The following SEC14L1 variants were observed in gnomAD, a reference collection of about 807,000 sequenced individuals.
SEC14L1 encodes the protein SEC14-like protein 1.
In SEC14L1, 48 loss-of-function variants were observed where a neutral mutation model predicts 85.3. The ratio of observed to expected loss-of-function variants is 0.56; its 90% CI spans 0.45 to 0.72. SEC14L1 has a LOEUF of 0.72. Ranked by LOEUF, SEC14L1 falls within the 30% of genes least tolerant of loss-of-function variation. The pLI is 0.00. For synonymous variants in SEC14L1, 391 were observed against 355.5 expected (o/e 1.10, Z -1.12); for missense variants, 682 against 921.4 (o/e 0.74, Z 3.36).
chr17:77,150,462 C>A (rs1973505727), intron 3 of SEC14L1, among the ~76,000 whole-genome samples: 1 of 152,224 alleles, frequency 6.6e-6, no homozygotes, highest in South Asian at 2.1e-4. Flanking sequence ...GAGTAAATGA[C>A]TATGAATGTG....
At chr17:77,117,113 C>G (rs142715623) in intron 3 of SEC14L1, among the ~76,000 whole-genome samples, 1 of 152,124 alleles carries the variant, frequency 6.6e-6, no homozygotes, top group Non-Finnish European at 1.5e-5. Context: ...TTTGGGAGGC[C>G]GAGGCGGGTG....
chr17:77,137,167 C>T (rs149358232), upstream of SEC14L1, among the ~76,000 whole-genome samples: 5 of 152,240 alleles, frequency 3.3e-5, no homozygotes, highest in East Asian at 9.7e-4. Flanking sequence ...CCTTGGCCTC[C>T]CAAAGTGCTG....
chr17:77,137,915 C>A (rs561515819), upstream of SEC14L1, among the ~76,000 whole-genome samples: 1 of 152,308 alleles, frequency 6.6e-6, no homozygotes, highest in South Asian at 2.1e-4. Context: ...GCAATAGAGT[C>A]ATTCACACAG....
At chr17:77,129,479 G>A (rs1250962066) in intron 3 of SEC14L1, among the ~76,000 whole-genome samples, 2 of 152,020 alleles carry the variant, frequency 1.3e-5, no homozygotes, top group African/African-American at 4.8e-5. Flanking sequence ...GAACCTTCCC[G>A]GGCAGGGCTG....
intron 3 of SEC14L1, among the ~76,000 whole-genome samples, chr17:77,159,176 C>T (rs1353168093): frequency 1.3e-5 from 2 of 151,208 alleles, no homozygotes; most frequent in Admixed American, 1.3e-4. Context: ...AGCAATTCTC[C>T]TGCCTCAGCC....
chr17:77,127,170 T>C (rs577920465), intron 3 of SEC14L1, among the ~76,000 whole-genome samples: 1 of 151,878 alleles, frequency 6.6e-6, no homozygotes, highest in South Asian at 2.1e-4. Flanking sequence ...CAGTGTGTGA[T>C]GGTCCCCTCT....
intron 3 of SEC14L1, among the ~76,000 whole-genome samples, chr17:77,119,883 A>T (rs981302778): frequency 6.6e-6 from 1 of 152,196 alleles, no homozygotes; most frequent in African/African-American, 2.4e-5. Flanking sequence ...GCCACAGAAA[A>T]GGCAGCAGCT....
chr17:77,129,337 T>G lies in SEC14L1; in HGVS notation c.-135-13309T>G, dbSNP rs541080467. Among the ~76,000 whole-genome samples, 23 of 152,308 alleles carry G rather than the reference T, an allele frequency of 1.5e-4. No homozygotes were observed. In the South Asian group the frequency reaches 4.8e-3, roughly 32 times the overall value. On this transcript the variant is annotated intron_variant, in intron 3 of 19. Transcript: ENST00000392476. ...GAGGAGGAAAACCCTAAAAGCTGCT[T>G]TAGGCTACTGAGGTGGCTCAATCAG...
intron 3 of SEC14L1, among the ~76,000 whole-genome samples, chr17:77,160,327 TC>T (rs1038003708): frequency 6.6e-6 from 1 of 152,252 alleles, no homozygotes; most frequent in African/African-American, 2.4e-5. Flanking sequence ...CTCTGCCAAG[TC>T]CAGGCGGATC....
chr17:77,195,744 T>C (rs1212515759), intron 7 of SEC14L1, among the ~76,000 whole-genome samples: 3 of 152,196 alleles, frequency 2.0e-5, no homozygotes. Flanking sequence ...CACCTCAGCC[T>C]CCTGAGTAGC....
chr17:77,126,956 C>CTT (rs113666986), intron 3 of SEC14L1, among the ~76,000 whole-genome samples: 54 of 149,938 alleles, frequency 3.6e-4, no homozygotes, highest in African/African-American at 8.8e-4. Flanking sequence ...ACAGGGATTT[C>CTT]TTTTTTTTCT....
At chr17:77,103,433 TG>T (rs1380205844) in intron 3 of SEC14L1, among the ~76,000 whole-genome samples, 1 of 150,546 alleles carries the variant, frequency 6.6e-6, no homozygotes, top group African/African-American at 2.5e-5. Context: ...TTTTTGTTGT[TG>T]TTTTTTTTTT....
chr17:77,190,490 G>T (rs1012600833), intron 3 of SEC14L1, among the ~76,000 whole-genome samples: 5 of 151,968 alleles, frequency 3.3e-5, no homozygotes, highest in African/African-American at 1.2e-4. Context: ...CGTTTTAGTT[G>T]TTCTAGTTCC....
intron 3 of SEC14L1, among the ~76,000 whole-genome samples, chr17:77,185,039 C>T (rs1315368042): frequency 6.6e-6 from 1 of 152,202 alleles, no homozygotes; most frequent in African/African-American, 2.4e-5. Flanking sequence ...CTTAACATAT[C>T]TCTGAAAGAC....
rs529470347 is a variant in SEC14L1 at position 77,154,241 on chromosome 17, C to T, written c.63+10582C>T. ...ATCCCAGTGCTTTGGGAGGCCAAGG[C>T]GGGAGAATCACTTGAGGCCAGTAGT... On this transcript the variant is annotated intron_variant, in intron 3 of 16. Transcript: ENST00000436233. Among the ~76,000 whole-genome samples, 35 of 152,068 alleles carry T rather than the reference C, an allele frequency of 2.3e-4. 1 individual carries two copies. The highest frequency in any genetic ancestry group is 1.9e-3 in the East Asian group (10 of 5,180).
At chr17:77,178,107 C>A (rs1429563413) in intron 3 of SEC14L1, among the ~76,000 whole-genome samples, 2 of 119,724 alleles carry the variant, frequency 1.7e-5, no homozygotes, top group Non-Finnish European at 3.2e-5. Context: ...GCACTTGTTT[C>A]TAGGACCCAA....
At position 77,194,903 on chromosome 17, in the gene SEC14L1, C is replaced by T; in HGVS notation, c.701C>T (p.Thr234Ile). The stretch of plus-strand genomic sequence containing the variant: ...AGCGCACCTGAGCCCGTGGTGGGCA[C>T]CCCTGACGGTGGGTCTGGCAGGGGC... ...SPSAPEPVVG[T>I]PDDKLDADYI... Residue 234 changes from threonine to isoleucine, a missense_variant, in exon 7 of 17, where the codon ACC (threonine) becomes ATC (isoleucine). Around this residue, in one of 3 missense-constraint regions of SEC14L1, gnomAD observed 123 missense variants for 100.6 expected, o/e 1.22. Coordinates refer to ENST00000436233, the MANE Select transcript of SEC14L1 (RefSeq NM_001143998.2). 1.2e-6 allele frequency: 2 copies of T among 1,613,098 alleles called. No individual in the cohort carries two copies. Among genetic ancestry groups the T allele is most frequent in the Admixed American group, 1.7e-5 (1 of 60,034 alleles).
rs571730188 is a variant in SEC14L1, at chr17:77,142,646, C to T, written c.-135C>T. On this transcript the variant is annotated splice_region_variant and 5_prime_UTR_variant, in exon 2 of 17. Transcript: ENST00000436233. ...TGTCTCTCTCTTTTTTTTTTAACAG[C>T]TAGACTTCGGGCTCCTTGAGGATAT... is the stretch of plus-strand genomic sequence containing the variant. 6.7e-6 allele frequency: 1 copy of T among 149,222 alleles called. No individual in the cohort carries two copies. Among genetic ancestry groups the T allele is most frequent in the Non-Finnish European group, 1.5e-5 (1 of 67,590 alleles). 9.2% of individuals were successfully genotyped at this position (149,222 alleles called of 1,614,324 possible). A position where few individuals can be genotyped will look rare whatever the true frequency, so the allele number is the denominator to read the frequency against.
chr17:77,143,212 A>G lies in SEC14L1; in HGVS notation c.-30-355A>G, dbSNP rs548528857. Among the ~76,000 whole-genome samples, 36 of 152,306 alleles carry G rather than the reference A, an allele frequency of 2.4e-4. No individual in the cohort carries two copies. In the South Asian group the frequency reaches 5.6e-3, roughly 24 times the overall value. On this transcript the variant is annotated intron_variant, in intron 2 of 16. Transcript: ENST00000436233. Reference sequence around the variant, plus strand: ...TTTAAGAGAAAATGATCCAAGCATTAATTATATTGGTTATTAGAATAATAG... The same window carrying G: ...TTTAAGAGAAAATGATCCAAGCATTGATTATATTGGTTATTAGAATAATAG...
Sources: allele counts gnomAD v4.1 joint callset (sites outside exome capture counted in the v4.1 genomes callset), GRCh38; gene constraint gnomAD v4.1.1; regional missense constraint gnomAD v4.1.1; transcripts MANE v1.5; gene names NCBI Gene and HGNC (gene_info 2026-07-23, HGNC 2026-07-21).